SLCO3A1: variants seen among roughly 807,000 people sequenced by gnomAD.
SLCO3A1 encodes the protein solute carrier organic anion transporter family member 3A1.
SLCO3A1 carries 27 observed loss-of-function variants against 63.1 expected under a neutral mutation model. The observed-to-expected ratio is 0.43, with a 90% CI of 0.32 to 0.59. The LOEUF is 0.59. SLCO3A1 is among the 20% of genes least tolerant of loss of function. The pLI, the probability that SLCO3A1 is intolerant of heterozygous loss-of-function variation, is 0.09. For synonymous variants in SLCO3A1, 473 were observed against 409.9 expected, an observed-to-expected ratio of 1.15 and a Z score of -1.86; for missense variants, 773 against 945.8, an observed-to-expected ratio of 0.82 and a Z score of 2.40.
At chr15:92,166,274 C>A (rs2048493062), downstream of SLCO3A1, among the ~76,000 whole-genome samples, 1 of 152,190 alleles carries the variant, frequency 6.6e-6, no homozygotes, top group African/African-American at 2.4e-5. Context: ...GGAGTGGAAG[C>A]AGCCTCCTCT....
chr15:92,131,499 G>C (rs1322229858), intron 7 of SLCO3A1, among the ~76,000 whole-genome samples: 1 of 143,288 alleles, frequency 7.0e-6, no homozygotes, highest in Non-Finnish European at 1.6e-5. Flanking sequence ...CAAGTAGCTG[G>C]GATTATAGGC....
chr15:92,120,045 A>T (rs1297068996), intron 4 of SLCO3A1, among the ~76,000 whole-genome samples: 1 of 152,094 alleles, frequency 6.6e-6, no homozygotes, highest in Non-Finnish European at 1.5e-5. Context: ...ATATACTTAA[A>T]TATATTGATA....
intron 3 of SLCO3A1, among the ~76,000 whole-genome samples, chr15:92,097,009 C>T (rs2047547068): frequency 6.6e-6 from 1 of 152,076 alleles, no homozygotes; most frequent in African/African-American, 2.4e-5. Context: ...CCACTGCACC[C>T]AAGGCAGCAC....
chr15:92,028,971 T>C (rs1299582313), intron 2 of SLCO3A1, among the ~76,000 whole-genome samples: 3 of 105,984 alleles, frequency 2.8e-5, no homozygotes, highest in African/African-American at 1.2e-4. Context: ...CCCTGACCCA[T>C]GGTCAAACAA....
At chr15:91,889,020 A>C in intron 1 of SLCO3A1, 1 of 480,666 alleles carries the variant, frequency 2.1e-6, no homozygotes, top group Non-Finnish European at 3.1e-6. Flanking sequence ...AAAAAAAAAA[A>C]GAAAAGAAAA....
intron 9 of SLCO3A1, among the ~76,000 whole-genome samples, chr15:92,155,641 T>A (rs950529438): frequency 5.8e-5 from 8 of 137,656 alleles, no homozygotes; most frequent in Admixed American, 5.6e-4. Context: ...TCAAAAGCAT[T>A]GAAGTGAGAA....
rs1023595972 is a variant in SLCO3A1 at position 92,155,700 on chromosome 15, G to A, written c.1753+4686G>A. Reference sequence around the variant, plus strand: ...GTTTGAACGGTAAAGACAGATGGGAGCCACATAAGAGACAGCATCTATTGA... The same window carrying A: ...GTTTGAACGGTAAAGACAGATGGGAACCACATAAGAGACAGCATCTATTGA... On this transcript the variant is annotated intron_variant, in intron 9 of 9. Transcript: ENST00000318445. Among the ~76,000 whole-genome samples, 4 of 148,020 alleles carry A rather than the reference G, an allele frequency of 2.7e-5. No homozygotes were observed. In the East Asian group the frequency reaches 7.8e-4, roughly 29 times the overall value.
At position 91,860,877 on chromosome 15, in the gene SLCO3A1, T is replaced by A. The variant is rs148261257; in HGVS notation, c.180+6789T>A. On this transcript the variant is annotated intron_variant, in intron 1 of 9. Coordinates refer to ENST00000318445, the MANE Select transcript of SLCO3A1 (RefSeq NM_013272.4). The surrounding 1 kb of genome is among the most constrained non-coding windows in gnomAD (Gnocchi z 5.5). ...CCCCACGCTTGGTCTTTTTTTTTGG[T>A]TTCTCATAAGCAGAACAATGGACCT... Among the ~76,000 whole-genome samples, 225 of 152,092 alleles carry A rather than the reference T, an allele frequency of 1.5e-3. 2 individuals carry two copies. Among genetic ancestry groups the A allele is most frequent in the Non-Finnish European group, 2.1e-3 (143 of 67,982 alleles).
chr15:91,905,294 A>G (rs1898267231), intron 1 of SLCO3A1, among the ~76,000 whole-genome samples: 1 of 152,230 alleles, frequency 6.6e-6, no homozygotes, highest in South Asian at 2.1e-4. Flanking sequence ...GATAGTGTAT[A>G]TAGCTATCCC....
At position 91,948,677 on chromosome 15, in the gene SLCO3A1, G is replaced by A. The variant is rs1406031319; in HGVS notation, c.646+32219G>A. Among the ~76,000 whole-genome samples the A allele has an allele frequency of 6.6e-6, 1 of 152,170 alleles. No homozygotes were observed. Among genetic ancestry groups the A allele is most frequent in the Non-Finnish European group, 1.5e-5 (1 of 68,032 alleles). On this transcript the variant is annotated intron_variant, in intron 2 of 9. Coordinates refer to ENST00000318445, the MANE Select transcript of SLCO3A1 (RefSeq NM_013272.4). The surrounding 1 kb of genome is among the most constrained non-coding windows in gnomAD (Gnocchi z 4.8). ...ACAGACATGAGGGCTGGGTTTTCCTGCCCTGAGAAGAGAGGGCCGTCCAAG... is the reference window on the plus strand; with the variant it reads ...ACAGACATGAGGGCTGGGTTTTCCTACCCTGAGAAGAGAGGGCCGTCCAAG...
In SLCO3A1 at chr15:91,948,577, C is replaced by T. The variant is rs533136006; in HGVS notation, c.646+32119C>T. Among the ~76,000 whole-genome samples the T allele has an allele frequency of 6.6e-6, 1 of 152,320 alleles. No individual in the cohort carries two copies. The highest frequency in any genetic ancestry group is 1.5e-5 in the Non-Finnish European group (1 of 68,022). The stretch of plus-strand genomic sequence containing the variant: ...ATGTGCACGAGACTCTGCAGGAAGG[C>T]TGAAAAACTTTCAAAACAGTACAGG... On this transcript the variant is annotated intron_variant, in intron 2 of 9. Transcript: ENST00000318445. The surrounding 1 kb of genome is among the most constrained non-coding windows in gnomAD (Gnocchi z 4.8).
In SLCO3A1 at chr15:92,164,231, G is replaced by A. The variant is rs949074090; in HGVS notation, c.*1096G>A. On this transcript the variant is annotated 3_prime_UTR_variant, in exon 10 of 10. Transcript: ENST00000318445. ...ACCAAAAATATGTGATACAAGGGAT[G>A]CAATTAACCTATTGTAATTTTCATC... is the stretch of plus-strand genomic sequence containing the variant. 2 of 984,516 alleles carry A rather than the reference G, an allele frequency of 2.0e-6. No individual in the cohort carries two copies. Among genetic ancestry groups the A allele is most frequent in the Non-Finnish European group, 2.4e-6 (2 of 829,364 alleles). 61.0% of individuals were successfully genotyped at this position (984,516 alleles called of 1,614,324 possible). A position where few individuals can be genotyped will look rare whatever the true frequency, so the allele number is the denominator to read the frequency against.
At chr15:91,895,903 G>A (rs560571774) in intron 1 of SLCO3A1, among the ~76,000 whole-genome samples, 130 of 152,154 alleles carry the variant, frequency 8.5e-4, no homozygotes, top group Non-Finnish European at 1.0e-3. Context: ...TCAAAACTAG[G>A]CAGTGTCAAG....
intron 2 of SLCO3A1, among the ~76,000 whole-genome samples, chr15:91,927,800 G>C (rs1314948704): frequency 6.6e-6 from 1 of 152,210 alleles, no homozygotes; most frequent in African/African-American, 2.4e-5. Flanking sequence ...TGGATTCTCA[G>C]CAAGAGGTCT....
At chr15:92,042,990 G>A (rs1193128340) in intron 2 of SLCO3A1, among the ~76,000 whole-genome samples, 3 of 152,286 alleles carry the variant, frequency 2.0e-5, no homozygotes, top group Non-Finnish European at 4.4e-5. Flanking sequence ...GAATCAAGAT[G>A]ACAAGGATGG....
At chr15:92,084,342 C>T (rs2047380877) in intron 2 of SLCO3A1, among the ~76,000 whole-genome samples, 1 of 152,150 alleles carries the variant, frequency 6.6e-6, no homozygotes, top group Non-Finnish European at 1.5e-5. Flanking sequence ...GTCTGTGTTC[C>T]AGGAATTGAT....
intron 1 of SLCO3A1, among the ~76,000 whole-genome samples, chr15:91,914,509 G>A (rs1898587214): frequency 6.6e-6 from 1 of 150,996 alleles, no homozygotes; most frequent in Admixed American, 6.6e-5. Flanking sequence ...ATTCACCCCT[G>A]TGGCATTTGT....
At chr15:92,048,172 AGTATCTCATT>A (rs909767236) in intron 2 of SLCO3A1, among the ~76,000 whole-genome samples, 2 of 152,010 alleles carry the variant, frequency 1.3e-5, no homozygotes, top group African/African-American at 4.8e-5. Flanking sequence ...CCAGAACCCC[AGTATCTCATT>A]GTAGCACCCA....
At chr15:92,151,963 G>A (rs2048311254) in intron 9 of SLCO3A1, among the ~76,000 whole-genome samples, 2 of 152,258 alleles carry the variant, frequency 1.3e-5, no homozygotes, top group East Asian at 3.9e-4. Flanking sequence ...AATCAGTTAT[G>A]GTCTATAATC....
Sources: allele counts gnomAD v4.1 joint callset (sites outside exome capture counted in the v4.1 genomes callset), GRCh38; gene constraint gnomAD v4.1.1; non-coding constraint Gnocchi (gnomAD v3.1); transcripts MANE v1.5; gene names NCBI Gene and HGNC (gene_info 2026-07-23, HGNC 2026-07-21).